Variants in CBFA2T2 observed in about 807,000 individuals in gnomAD.
CBFA2T2 encodes the protein protein CBFA2T2.
Under a neutral mutation model 62.2 loss-of-function variants are expected in CBFA2T2, and 11 were observed. The ratio of observed to expected loss-of-function variants is 0.18; its 90% CI spans 0.11 to 0.29. The LOEUF (loss-of-function observed/expected upper bound fraction) is 0.29. Ranked by LOEUF, CBFA2T2 falls within the 10% of genes least tolerant of loss-of-function variation. The pLI is 1.00. For missense variants in CBFA2T2, 592 were observed against 774.1 expected (o/e 0.76, Z 2.79); for synonymous variants, 295 against 287.5 (o/e 1.03, Z -0.27).
At chr20:33,605,415 A>G (rs2015302903) in intron 1 of CBFA2T2, among the ~76,000 whole-genome samples, 1 of 152,234 alleles carries the variant, frequency 6.6e-6, no homozygotes, top group Non-Finnish European at 1.5e-5. Context: ...AGCTCAATTT[A>G]AAGGTGATTA....
At chr20:33,550,519 A>G (rs1239973125) in intron 1 of CBFA2T2, among the ~76,000 whole-genome samples, 1 of 152,254 alleles carries the variant, frequency 6.6e-6, no homozygotes, top group Non-Finnish European at 1.5e-5. Context: ...AGCATTAAAC[A>G]TGTTAATCAA....
At chr20:33,582,470 A>G (rs2014163146) in intron 1 of CBFA2T2, among the ~76,000 whole-genome samples, 2 of 151,018 alleles carry the variant, frequency 1.3e-5, no homozygotes, top group Non-Finnish European at 2.9e-5. Context: ...CCTGGGCAAC[A>G]AGAGCGAAAC....
At position 33,648,053 on chromosome 20, in the gene CBFA2T2, T is replaced by C. The variant is rs988003710; in HGVS notation, c.*3407T>C. ...TAGAGGCGCAGGAGCGAATCCAGGT[T>C]CCTTGCGTGGTTCCCAGCCTCTGCT... On this transcript the variant is annotated 3_prime_UTR_variant, in exon 11 of 11. Coordinates refer to ENST00000342704, the MANE Select transcript of CBFA2T2 (RefSeq NM_001032999.3). The C allele has an allele frequency of 2.0e-5, 3 of 152,258 alleles. No individual in the cohort carries two copies. The highest frequency in any genetic ancestry group is 4.4e-5 in the Non-Finnish European group (3 of 68,084). The allele number at this position is 152,258 out of a possible 1,614,324, so 9.4% of individuals were successfully genotyped here.
chr20:33,504,900 G>A (rs888098899), intron 1 of CBFA2T2, among the ~76,000 whole-genome samples: 2 of 152,104 alleles, frequency 1.3e-5, no homozygotes, highest in Admixed American at 1.3e-4. Context: ...TACAATGAAA[G>A]GAATACTCTC....
In CBFA2T2 at chr20:33,623,116, C is replaced by G; in HGVS notation, c.512C>G (p.Ala171Gly). 6.2e-7 allele frequency: 1 copy of G among 1,614,154 alleles called. No homozygotes were observed. The highest frequency in any genetic ancestry group is 8.5e-7 in the Non-Finnish European group (1 of 1,180,034). Residue 171 changes from alanine (A) to glycine (G), a missense_variant and splice_region_variant, in exon 5 of 11, where the codon GCC becomes GGC. By Grantham distance (60) the Ala-to-Gly change is moderately conservative. This residue lies in a region of CBFA2T2 where 449 missense variants were observed against 551.2 expected (regional missense o/e 0.81). Coordinates refer to ENST00000342704, the MANE Select transcript of CBFA2T2 (RefSeq NM_001032999.3). ...GAAAAACTGCCTCTTCCTTTCAAGG[C>G]CAACCTGCCCCTGCTGCAGCGGGAA... ...LRPFVIPFLKANLPLLQRELL... is the reference protein window; with the variant it reads ...LRPFVIPFLKGNLPLLQRELL...
At chr20:33,549,801 G>T (rs546136947) in intron 1 of CBFA2T2, among the ~76,000 whole-genome samples, 50 of 151,804 alleles carry the variant, frequency 3.3e-4, no homozygotes, top group Middle Eastern at 3.4e-3. Flanking sequence ...TGCTGCAAAG[G>T]AGTAGTCCAA....
intron 1 of CBFA2T2, among the ~76,000 whole-genome samples, chr20:33,509,227 T>C (rs2011460653): frequency 6.6e-6 from 1 of 151,496 alleles, no homozygotes; most frequent in African/African-American, 2.4e-5. Context: ...ATTATCTGGG[T>C]GTGGTGGCAC....
intron 8 of CBFA2T2, among the ~76,000 whole-genome samples, chr20:33,634,670 C>CAAAAA (rs758089440): frequency 4.2e-5 from 2 of 47,924 alleles, no homozygotes; most frequent in Non-Finnish European, 1.0e-4. Flanking sequence ...ACCCTATGTC[C>CAAAAA]AAAAAAAAAA....
At chr20:33,519,147 C>T (rs774294052) in intron 1 of CBFA2T2, among the ~76,000 whole-genome samples, 7 of 152,042 alleles carry the variant, frequency 4.6e-5, no homozygotes, top group Non-Finnish European at 8.8e-5. Flanking sequence ...TTCAGCCAAC[C>T]ATGGATCGCA....
chr20:33,623,714 A>G (rs2016091343), intron 5 of CBFA2T2: 4 of 679,582 alleles, frequency 5.9e-6, no homozygotes, highest in Non-Finnish European at 2.7e-6. Context: ...GTGAGCCACC[A>G]TGCCCAGCCC....
At chr20:33,544,249 A>G (rs1005504116) in intron 1 of CBFA2T2, among the ~76,000 whole-genome samples, 1 of 152,086 alleles carries the variant, frequency 6.6e-6, no homozygotes, top group Admixed American at 6.6e-5. Context: ...ACTACTTTTC[A>G]GCTTCAGCCA....
intron 1 of CBFA2T2, among the ~76,000 whole-genome samples, chr20:33,551,171 TG>T (rs915010050): frequency 2.7e-4 from 41 of 152,176 alleles, no homozygotes; most frequent in African/African-American, 9.6e-4. Context: ...AATTAACTGT[TG>T]GTTTATTCCA....
At chr20:33,602,344 C>T in intron 1 of CBFA2T2, among the ~76,000 whole-genome samples, 1 of 150,682 alleles carries the variant, frequency 6.6e-6, no homozygotes, top group African/African-American at 2.4e-5. Flanking sequence ...AATTTTTCTT[C>T]TTTCCAATTG....
chr20:33,501,630 C>CTTTTTTTTTTTTTTT lies in CBFA2T2; in HGVS notation c.34+11343_34+11357dup, dbSNP rs869281966. On this transcript the variant is annotated intron_variant, in intron 1 of 10. Transcript: ENST00000342704. The stretch of plus-strand genomic sequence containing the variant: ...AGTTGAAACTATATTCTTAGCCTTC[C>CTTTTTTTTTTTTTTT]TTTTTTTTTTTTTTTTTTTTTTTTT... Among the ~76,000 whole-genome samples the CTTTTTTTTTTTTTTT allele has an allele frequency of 7.9e-5, 5 of 63,262 alleles. 1 individual carries two copies. The highest frequency in any genetic ancestry group is 1.4e-4 in the African/African-American group (2 of 14,136). The allele number at this position is 63,262 out of a possible 152,430, so 41.5% of individuals were successfully genotyped here.
At position 33,570,881 on chromosome 20, in the gene CBFA2T2, T is replaced by C. The variant is rs555263145; in HGVS notation, c.35-36075T>C. Among the ~76,000 whole-genome samples, 6 of 152,344 alleles carry C rather than the reference T, an allele frequency of 3.9e-5. No individual in the cohort carries two copies. The South Asian group carries it at 1.2e-3, about 32-fold the overall frequency. ...AATAAGTTTTCTTGCACTGTGAATGTGAACTGAGGTTTCCACAAGCAAACT... is the reference window on the plus strand; with the variant it reads ...AATAAGTTTTCTTGCACTGTGAATGCGAACTGAGGTTTCCACAAGCAAACT... On this transcript the variant is annotated intron_variant, in intron 1 of 10. Transcript: ENST00000342704.
chr20:33,592,785 A>T (rs979656972), intron 1 of CBFA2T2, among the ~76,000 whole-genome samples: 5 of 152,080 alleles, frequency 3.3e-5, no homozygotes, highest in Non-Finnish European at 4.4e-5. Flanking sequence ...ACTGCCACTT[A>T]AAAAAACCCC....
At chr20:33,553,988 C>A (rs2012816572) in intron 1 of CBFA2T2, among the ~76,000 whole-genome samples, 1 of 151,822 alleles carries the variant, frequency 6.6e-6, no homozygotes, top group Non-Finnish European at 1.5e-5. Flanking sequence ...AAACATGATT[C>A]TTGATATTGA....
rs549234085 is a variant in CBFA2T2 at position 33,508,561 on chromosome 20, A to T, written c.34+18260A>T. Among the ~76,000 whole-genome samples, 31 of 151,706 alleles carry T rather than the reference A, an allele frequency of 2.0e-4. 2 individuals carry two copies. The South Asian group carries it at 6.4e-3, about 32-fold the overall frequency. On this transcript the variant is annotated intron_variant, in intron 1 of 10. Transcript: ENST00000342704. ...AGCCTAGTACCTGTTATTTTTCCTG[A>T]TCCTCTCCCTCCTCCCACCCTCCAC...
chr20:33,562,484 C>A, intron 1 of CBFA2T2: 1 of 985,860 alleles, frequency 1.0e-6, no homozygotes, highest in Non-Finnish European at 1.2e-6. Flanking sequence ...ATGGGACAGG[C>A]AGCTCTAGTC....
Sources: allele counts gnomAD v4.1 joint callset (sites outside exome capture counted in the v4.1 genomes callset), GRCh38; gene constraint gnomAD v4.1.1; regional missense constraint gnomAD v4.1.1; transcripts MANE v1.5; gene names NCBI Gene and HGNC (gene_info 2026-07-23, HGNC 2026-07-21).